Variants in ATXN1 observed in about 807,000 individuals in gnomAD.
The protein encoded by ATXN1 is ataxin-1.
A neutral mutation model predicts 56.4 loss-of-function variants in ATXN1; 8 were observed. The ratio of observed to expected loss-of-function variants is 0.14; its 90% CI spans 0.08 to 0.26. The LOEUF (loss-of-function observed/expected upper bound fraction) is 0.26. ATXN1 is among the 10% of genes least tolerant of loss of function. The pLI is 1.00. For missense variants in ATXN1, 987 were observed against 1,106.5 expected, an observed-to-expected ratio of 0.89 and a Z score of 1.53; for synonymous variants, 514 against 494.6, an observed-to-expected ratio of 1.04 and a Z score of -0.52.
At chr6:16,335,806 G>A (rs748820272) in intron 6 of ATXN1, among the ~76,000 whole-genome samples, 3 of 152,184 alleles carry the variant, frequency 2.0e-5, no homozygotes, top group Non-Finnish European at 4.4e-5. Flanking sequence ...AAGGCCCTGT[G>A]GAGGCAGAGG....
chr6:16,335,319 C>T (rs1179703987), intron 6 of ATXN1, among the ~76,000 whole-genome samples: 1 of 152,202 alleles, frequency 6.6e-6, no homozygotes, highest in Non-Finnish European at 1.5e-5. Flanking sequence ...CTAGAGACAT[C>T]CAGGCCAGAA....
At chr6:16,635,682 A>T (rs16878698) in intron 3 of ATXN1, among the ~76,000 whole-genome samples, 32,378 of 152,182 alleles carry the variant, frequency 0.21, 7,026 homozygotes, top group African/African-American at 0.56. Flanking sequence ...TAGGCAGGAC[A>T]TTGACCAGAT....
intron 3 of ATXN1, among the ~76,000 whole-genome samples, chr6:16,613,560 C>T (rs1433936711): frequency 6.6e-6 from 1 of 151,584 alleles, no homozygotes; most frequent in Non-Finnish European, 1.5e-5. Context: ...GGTCCGGTGG[C>T]TCACACCTGT....
At chr6:16,743,835 T>A (rs1760429570) in intron 2 of ATXN1, among the ~76,000 whole-genome samples, 1 of 151,692 alleles carries the variant, frequency 6.6e-6, no homozygotes, top group Non-Finnish European at 1.5e-5. Context: ...AAAAACAGAG[T>A]ATGGCACTTG....
At chr6:16,671,445 G>A (rs1191791664) in intron 2 of ATXN1, among the ~76,000 whole-genome samples, 1 of 152,066 alleles carries the variant, frequency 6.6e-6, no homozygotes, top group Non-Finnish European at 1.5e-5. Context: ...TCAGGAGCTA[G>A]GCAGATGGGA....
chr6:16,628,347 C>T (rs532267094), intron 3 of ATXN1, among the ~76,000 whole-genome samples: 3 of 152,300 alleles, frequency 2.0e-5, no homozygotes, highest in Non-Finnish European at 2.9e-5. Flanking sequence ...TCAAAATCCC[C>T]GTTTCTTAGA....
intron 6 of ATXN1, among the ~76,000 whole-genome samples, chr6:16,435,717 CATCTCCTA>C (rs1477030083): frequency 6.6e-6 from 1 of 152,088 alleles, no homozygotes; most frequent in African/African-American, 2.4e-5. Context: ...GTCCTCGGGC[CATCTCCTA>C]GCGGAGGCGG....
At chr6:16,654,541 TAAAAAAAAAAAAAA>T (rs1212773515) in intron 3 of ATXN1, among the ~76,000 whole-genome samples, 1 of 122,540 alleles carries the variant, frequency 8.2e-6, no homozygotes, top group Non-Finnish European at 1.7e-5. Context: ...GACTCTGCCT[TAAAAAAAAAAAAAA>T]AAAAAAAAAA....
At chr6:16,694,690 C>T (rs111327465) in intron 2 of ATXN1, among the ~76,000 whole-genome samples, 2,588 of 152,236 alleles carry the variant, frequency 0.017, 63 homozygotes, top group African/African-American at 0.059. Context: ...AACAAGTGGT[C>T]GTCTACAATA....
At chr6:16,347,510 T>C (rs1581705223) in intron 6 of ATXN1, among the ~76,000 whole-genome samples, 2 of 150,494 alleles carry the variant, frequency 1.3e-5, no homozygotes, top group Non-Finnish European at 3.0e-5. Flanking sequence ...GGATTGTAAA[T>C]ACACCAATCG....
At position 16,592,655 on chromosome 6, in the gene ATXN1, A is replaced by G. The variant is rs564474501; in HGVS notation, c.-488-6748T>C. ...AGAAAGCACCCACGTCTCCTAGCTG[A>G]TTCTGTGTCTGGAGTTGGTTCCTTC... On this transcript the variant is annotated intron_variant, in intron 3 of 7. Coordinates refer to ENST00000436367, the MANE Select transcript of ATXN1 (RefSeq NM_001128164.2). Among the ~76,000 whole-genome samples, 82 of 152,156 alleles carry G rather than the reference A, an allele frequency of 5.4e-4. 2 individuals carry two copies. The South Asian group carries it at 0.015, about 29-fold the overall frequency.
At chr6:16,325,627 C>T (rs1044356272) in intron 7 of ATXN1, among the ~76,000 whole-genome samples, 3 of 152,138 alleles carry the variant, frequency 2.0e-5, no homozygotes, top group African/African-American at 7.2e-5. Flanking sequence ...AGGTGCCCCC[C>T]ACTTTACGGT....
chr6:16,327,608 T>C lies in ATXN1; in HGVS notation c.703A>G (p.Thr235Ala), dbSNP rs1307353638. The change falls in exon 7 of 8, where the codon ACC (threonine) becomes GCC (alanine). Residue 235 changes from threonine (T) to alanine (A), a missense_variant. Thr to Ala is a moderately conservative substitution (Grantham distance 58). This residue lies in a region of ATXN1 where 723 missense variants were observed against 791.7 expected (regional missense o/e 0.91). Coordinates refer to ENST00000436367, the MANE Select transcript of ATXN1 (RefSeq NM_001128164.2). ...TGGGCTGGTGGGGGGGACCCCGGGG[T>C]GATGAGCCCCGGAGCCCTGCTGAGG... ...QHLSRAPGLI[T>A]PGSPPPAQQN... 6.3e-7 allele frequency: 1 copy of C among 1,589,598 alleles called. No homozygotes were observed. Among genetic ancestry groups the C allele is most frequent in the South Asian group, 1.1e-5 (1 of 89,050 alleles).
chr6:16,330,546 C>T lies in ATXN1; in HGVS notation c.-160-2076G>A, dbSNP rs1760961251. 1.3e-5 allele frequency among the ~76,000 whole-genome samples: 2 copies of T among 151,884 alleles called. 1 individual carries two copies. Among genetic ancestry groups the T allele is most frequent in the Non-Finnish European group, 2.9e-5 (2 of 67,960 alleles). ...CTGGGACTACAGGTGCACGCCACCA[C>T]ACCCGGCTAATTTTTGTACTTTTTG... On this transcript the variant is annotated intron_variant, in intron 6 of 7. Coordinates refer to ENST00000436367, the MANE Select transcript of ATXN1 (RefSeq NM_001128164.2).
At chr6:16,612,790 C>T (rs1363833996) in intron 3 of ATXN1, among the ~76,000 whole-genome samples, 14 of 151,164 alleles carry the variant, frequency 9.3e-5, no homozygotes, top group Admixed American at 9.2e-4. Flanking sequence ...ACTTGGGAGG[C>T]TGAGGCAGGA....
intron 2 of ATXN1, among the ~76,000 whole-genome samples, chr6:16,687,488 A>G (rs1210212092): frequency 1.3e-5 from 2 of 151,958 alleles, no homozygotes; most frequent in Admixed American, 1.3e-4. Flanking sequence ...GCATAAACAA[A>G]GCAAAGTGCC....
intron 4 of ATXN1, among the ~76,000 whole-genome samples, chr6:16,574,082 A>G (rs1378876558): frequency 6.6e-6 from 1 of 152,224 alleles, no homozygotes; most frequent in Non-Finnish European, 1.5e-5. Flanking sequence ...GCTGGAGTGC[A>G]GTGGCCGGAT....
Position 16,645,275 on chromosome 6 carries a change from T to C in ATXN1, c.-489+12501A>G, listed in dbSNP as rs192703231. Among the ~76,000 whole-genome samples the C allele has an allele frequency of 1.1e-4, 17 of 152,352 alleles. No individual in the cohort carries two copies. The East Asian group carries it at 3.3e-3, about 29-fold the overall frequency. The stretch of plus-strand genomic sequence containing the variant: ...CTTTGCATTCTGACCCAATGCAGGA[T>C]GCTGGGCTCCTACAAGTGGTTTGTC... On this transcript the variant is annotated intron_variant, in intron 3 of 7. Transcript: ENST00000436367.
rs199918801 is a variant in ATXN1 at position 16,367,360 on chromosome 6, T to A, written c.-160-38890A>T. Among the ~76,000 whole-genome samples the A allele has an allele frequency of 8.9e-3, 1,036 of 117,062 alleles. 16 individuals are homozygous for A. The highest frequency in any genetic ancestry group is 0.028 in the African/African-American group (951 of 33,966). 76.8% of individuals were successfully genotyped at this position (117,062 alleles called of 152,430 possible). On this transcript the variant is annotated intron_variant, in intron 6 of 7. Coordinates refer to ENST00000436367, the MANE Select transcript of ATXN1 (RefSeq NM_001128164.2). ...CTCTCTCTCTCTCTCTCTCTCTCTCTCTCACACACACACACACACACACAC... is the reference window on the plus strand; with the variant it reads ...CTCTCTCTCTCTCTCTCTCTCTCTCACTCACACACACACACACACACACAC...
Sources: gnomAD v4.1 joint callset for allele counts (sites outside exome capture counted in the v4.1 genomes callset) on GRCh38, gnomAD v4.1.1 for gene constraint, gnomAD v4.1.1 regional missense constraint, MANE v1.5 for transcripts, NCBI Gene and HGNC (gene_info 2026-07-23, HGNC 2026-07-21) for gene names.